The following ADAP2 variants were observed in gnomAD, a reference collection of about 807,000 sequenced individuals.
The protein encoded by ADAP2 is ArfGAP with dual PH domains 2.
Under a neutral mutation model 54.9 loss-of-function variants are expected in ADAP2, and 42 were observed. The observed-to-expected ratio is 0.77, with a 90% CI of 0.60 to 0.99. ADAP2 has a LOEUF of 0.99. Among genes scored for constraint, ADAP2 ranks in the 50% least tolerant of loss-of-function variants. ADAP2 has a pLI of 0.00. For missense variants in ADAP2, 429 were observed against 480.4 expected (o/e 0.89, Z 1.00); for synonymous variants, 177 against 180.1 (o/e 0.98, Z 0.14).
intron 3 of ADAP2, among the ~76,000 whole-genome samples, chr17:30,929,675 ACTCT>A (rs957004313): frequency 5.8e-4 from 88 of 151,472 alleles, no homozygotes; most frequent in African/African-American, 2.1e-3. Context: ...ACTAGGAATG[ACTCT>A]CTCTCTCTTT....
chr17:30,943,884 T>TAAAG lies in ADAP2; in HGVS notation c.511-1020_511-1019insGAAA, dbSNP rs1351125061. On this transcript the variant is annotated intron_variant, in intron 5 of 10. Transcript: ENST00000330889. ...ATAAATAAATAAATAAATAAATAAA[T>TAAAG]AAATAAATAAATAAGAACCAGATTG... Among the ~76,000 whole-genome samples the TAAAG allele has an allele frequency of 1.9e-4, 28 of 144,050 alleles. No homozygotes were observed. In the East Asian group the frequency reaches 5.7e-3, roughly 29 times the overall value. 94.5% of individuals were successfully genotyped at this position (144,050 alleles called of 152,430 possible). A position where few individuals can be genotyped will look rare whatever the true frequency, so the allele number is the denominator to read the frequency against.
chr17:30,938,662 G>T (rs1161618413), intron 5 of ADAP2, among the ~76,000 whole-genome samples: 1 of 152,172 alleles, frequency 6.6e-6, no homozygotes, highest in African/African-American at 2.4e-5. Flanking sequence ...TAAGCTCTGA[G>T]CACTTTAGCC....
At chr17:30,946,036 TC>T (rs1241434533) in intron 6 of ADAP2, among the ~76,000 whole-genome samples, 1 of 150,766 alleles carries the variant, frequency 6.6e-6, no homozygotes, top group African/African-American at 2.4e-5. Flanking sequence ...GTGCCTGTAG[TC>T]CCAGCTACTC....
intron 3 of ADAP2, among the ~76,000 whole-genome samples, chr17:30,927,396 G>A (rs927129397): frequency 4.0e-5 from 6 of 151,846 alleles, no homozygotes; most frequent in Admixed American, 1.3e-4. Flanking sequence ...GGCAGATCAC[G>A]AGGTCAGGGG....
At chr17:30,956,590 C>A (rs562722040) in intron 10 of ADAP2, 121 bp downstream of exon 10, 2 of 915,578 alleles carry the variant, frequency 2.2e-6, no homozygotes, top group Non-Finnish European at 3.4e-6. Flanking sequence ...ATGCTCTTTT[C>A]ATTGTCTTCT....
Position 30,956,749 on chromosome 17 carries a change from G to A in ADAP2, c.1111+280G>A, listed in dbSNP as rs551943441. The A allele has an allele frequency of 2.6e-5, 12 of 462,108 alleles. No individual in the cohort carries two copies. The East Asian group carries it at 3.7e-4, about 14-fold the overall frequency. The allele number at this position is 462,108 out of a possible 1,614,324, so 28.6% of individuals were successfully genotyped here. ...CCTGGGTGCTGTCTGTACCCCTTGC[G>A]GTGTGGGGGCTAAGCAGCTTCTCTT... is the stretch of plus-strand genomic sequence containing the variant. On this transcript the variant is annotated intron_variant, in intron 10 of 10. Coordinates refer to ENST00000330889, the MANE Select transcript of ADAP2 (RefSeq NM_018404.3).
At chr17:30,936,519 T>A (rs770063415) in intron 5 of ADAP2, among the ~76,000 whole-genome samples, 13 of 152,202 alleles carry the variant, frequency 8.5e-5, no homozygotes, top group Non-Finnish European at 1.6e-4. Flanking sequence ...TATCTCATTG[T>A]GGTTTTGATT....
intron 1 of ADAP2, among the ~76,000 whole-genome samples, 160 bp downstream of exon 1, chr17:30,922,268 C>T (rs1035009190): frequency 6.6e-6 from 1 of 151,010 alleles, no homozygotes; most frequent in Non-Finnish European, 1.5e-5. Context: ...GAACCTCTCA[C>T]CCGAGCCCCG....
intron 5 of ADAP2, among the ~76,000 whole-genome samples, chr17:30,943,680 C>T (rs908118770): frequency 1.3e-5 from 2 of 151,624 alleles, no homozygotes; most frequent in African/African-American, 4.8e-5. Flanking sequence ...AACCCCATCT[C>T]TACTAAAAAT....
Position 30,956,396 on chromosome 17 carries a change from G to C in ADAP2, c.1038G>C (p.Glu346Asp). ...ERRFVLTCPS[E>D]KEQQEWLESL... ...GATTTGTCCTCACTTGCCCCAGTGAGAAGGAACAGCAGGAATGGCTGGAAA... is the reference window on the plus strand; with the variant it reads ...GATTTGTCCTCACTTGCCCCAGTGACAAGGAACAGCAGGAATGGCTGGAAA... The change falls in exon 10 of 11, where the codon GAG (glutamate) becomes GAC (aspartate). Residue 346 changes from glutamate to aspartate, a missense_variant. Glu to Asp is a conservative substitution (Grantham distance 45). Coordinates refer to ENST00000330889, the MANE Select transcript of ADAP2 (RefSeq NM_018404.3). 6.2e-7 allele frequency: 1 copy of C among 1,614,238 alleles called. No homozygotes were observed. The highest frequency in any genetic ancestry group is 8.5e-7 in the Non-Finnish European group (1 of 1,180,040).
At position 30,957,844 on chromosome 17, in the gene ADAP2, CAG is replaced by C; in HGVS notation, c.1126_1127del (p.Ser376TrpfsTer9). 2 of 1,613,724 alleles carry C rather than the reference CAG, an allele frequency of 1.2e-6. No homozygotes were observed. Among genetic ancestry groups the C allele is most frequent in the Non-Finnish European group, 1.7e-6 (2 of 1,179,866 alleles). On this transcript the variant is annotated frameshift_variant, in exon 11 of 11. Coordinates refer to ENST00000330889, the MANE Select transcript of ADAP2 (RefSeq NM_018404.3). LOFTEE classifies it high-confidence loss of function. Reference sequence around the variant, plus strand: ...TTCATTTCCCTTGCAGCTGCATCAACAGAGAGTGGCCGCAGCAGCAGGTGACC... The same window carrying C: ...TTCATTTCCCTTGCAGCTGCATCAACAGAGTGGCCGCAGCAGCAGGTGACC...
At chr17:30,954,270 G>T in intron 8 of ADAP2, 2 of 521,198 alleles carry the variant, frequency 3.8e-6, no homozygotes, top group Non-Finnish European at 7.0e-6. Context: ...GGGTATGGTG[G>T]GGTTGGAAGG....
intron 5 of ADAP2, among the ~76,000 whole-genome samples, chr17:30,943,888 TAA>T: frequency 6.9e-6 from 1 of 144,250 alleles, no homozygotes; most frequent in East Asian, 2.0e-4. Context: ...AATAAATAAA[TAA>T]ATAAATAAGA....
intron 6 of ADAP2, among the ~76,000 whole-genome samples, chr17:30,945,923 G>T (rs1004227278): frequency 2.6e-5 from 4 of 151,570 alleles, no homozygotes; most frequent in Non-Finnish European, 1.5e-5. Flanking sequence ...GGAGGCCGAG[G>T]CAGGCGGATC....
Position 30,945,928 on chromosome 17 carries a change from C to T in ADAP2, c.657+875C>T, listed in dbSNP as rs11871711. 2.2e-3 allele frequency among the ~76,000 whole-genome samples: 332 copies of T among 148,166 alleles called. 1 individual carries two copies. The highest frequency in any genetic ancestry group is 7.4e-3 in the Middle Eastern group (2 of 270). ...CAGCACTTTGGGAGGCCGAGGCAGG[C>T]GGATCACGAGGTCAGGAGATCGAGA... is the stretch of plus-strand genomic sequence containing the variant. On this transcript the variant is annotated intron_variant, in intron 6 of 10. Transcript: ENST00000330889.
Position 30,956,371 on chromosome 17 carries a change from G to T in ADAP2, c.1013G>T (p.Arg338Ile), listed in dbSNP as rs1355884406. Residue 338 changes from arginine (R) to isoleucine (I), a missense_variant, in exon 10 of 11, where the codon AGA becomes ATA. Arg to Ile is a moderately conservative substitution (Grantham distance 97, BLOSUM62 -3). Transcript: ENST00000330889. Reference sequence around the variant, plus strand: ...CTCACCATTGTCACCCCAGAGCGGAGATTTGTCCTCACTTGCCCCAGTGAG... The same window carrying T: ...CTCACCATTGTCACCCCAGAGCGGATATTTGTCCTCACTTGCCCCAGTGAG... ...AGLTIVTPERRFVLTCPSEKE... is the reference protein window; with the variant it reads ...AGLTIVTPERIFVLTCPSEKE... 4.3e-6 allele frequency: 7 copies of T among 1,614,120 alleles called. No individual in the cohort carries two copies. The highest frequency in any genetic ancestry group is 2.7e-5 in the African/African-American group (2 of 74,944).
At chr17:30,931,787 C>T (rs530975521) in intron 3 of ADAP2, 102 bp from the exon 4 acceptor site, 2 of 786,120 alleles carry the variant, frequency 2.5e-6, no homozygotes, top group East Asian at 2.6e-5. Flanking sequence ...CGTGATCACA[C>T]CACTGCACTC....
intron 6 of ADAP2, among the ~76,000 whole-genome samples, chr17:30,945,849 A>T (rs111961352): frequency 1.9e-4 from 20 of 102,960 alleles, no homozygotes; most frequent in Non-Finnish European, 3.0e-4. Context: ...AAACTGCATT[A>T]AAAAAAAAAA....
intron 1 of ADAP2, 38 bp from the exon 2 acceptor site, chr17:30,922,901 GC>G: frequency 6.2e-7 from 1 of 1,602,528 alleles, no homozygotes; most frequent in East Asian, 2.3e-5. Context: ...TCTTCACCGC[GC>G]TTTCCGCTCA....
Sources: gnomAD v4.1 joint callset for allele counts (sites outside exome capture counted in the v4.1 genomes callset) on GRCh38, gnomAD v4.1.1 for gene constraint, MANE v1.5 for transcripts, NCBI Gene and HGNC (gene_info 2026-07-23, HGNC 2026-07-21) for gene names.